Variants in LRPPRC observed in about 807,000 individuals in gnomAD.
LRPPRC encodes leucine-rich PPR motif-containing protein, mitochondrial.
LRPPRC carries 120 observed loss-of-function variants against 180.3 expected under a neutral mutation model. The observed-to-expected ratio is 0.67, with a 90% CI of 0.57 to 0.77. The LOEUF is 0.77. Ranked by LOEUF, LRPPRC falls within the 30% of genes least tolerant of loss-of-function variation. LRPPRC has a pLI of 0.00. For synonymous variants in LRPPRC, 723 were observed against 600.0 expected, an observed-to-expected ratio of 1.21 and a Z score of -3.00; for missense variants, 2,012 against 1,657.2, an observed-to-expected ratio of 1.21 and a Z score of -3.72.
intron 13 of LRPPRC, among the ~76,000 whole-genome samples, chr2:43,957,970 T>C (rs1449149941): frequency 2.0e-5 from 3 of 152,200 alleles, no homozygotes; most frequent in Non-Finnish European, 4.4e-5. Flanking sequence ...AAAGTAATAA[T>C]AAAATAGGTC....
chr2:43,916,475 C>A (rs1249024701), intron 29 of LRPPRC, among the ~76,000 whole-genome samples: 1 of 152,086 alleles, frequency 6.6e-6, no homozygotes, highest in African/African-American at 2.4e-5. Flanking sequence ...AGACCTCTAA[C>A]CTTGAGATAT....
intron 12 of LRPPRC, 158 bp downstream of exon 12, chr2:43,963,430 G>C: frequency 1.5e-6 from 1 of 665,918 alleles, no homozygotes; most frequent in Non-Finnish European, 2.7e-6. Flanking sequence ...GGCAATGAGA[G>C]AGAAACTCCA....
Position 43,975,069 on chromosome 2 carries a change from T to A in LRPPRC, c.864+22A>T, listed in dbSNP as rs780719244. The A allele has an allele frequency of 1.9e-6, 3 of 1,609,216 alleles. No individual in the cohort carries two copies. The East Asian group carries it at 6.7e-5, about 36-fold the overall frequency. On this transcript the variant is annotated intron_variant, in intron 7 of 37. Transcript: ENST00000260665. ...TTTTTACAAATGATTTTAAAGTATGTTTATTTAGACATAAGTCATACCTGC... is the reference window on the plus strand; with the variant it reads ...TTTTTACAAATGATTTTAAAGTATGATTATTTAGACATAAGTCATACCTGC...
intron 12 of LRPPRC, among the ~76,000 whole-genome samples, chr2:43,961,885 G>C (rs772187080): frequency 6.6e-6 from 1 of 152,142 alleles, no homozygotes; most frequent in African/African-American, 2.4e-5. Flanking sequence ...CGCTTGAACC[G>C]GTAGGCAGAG....
At chr2:43,953,043 T>G (rs1222514128) in intron 14 of LRPPRC, among the ~76,000 whole-genome samples, 1 of 152,244 alleles carries the variant, frequency 6.6e-6, no homozygotes, top group African/African-American at 2.4e-5. Flanking sequence ...ACTACCAATC[T>G]ACTTACACTT....
At chr2:43,978,226 T>C (rs1373593558) in intron 3 of LRPPRC, among the ~76,000 whole-genome samples, 1 of 152,108 alleles carries the variant, frequency 6.6e-6, no homozygotes, top group Admixed American at 6.5e-5. Flanking sequence ...AGCTAAAAGA[T>C]CTCTTGTATC....
chr2:43,975,573 C>G (rs147337339), intron 6 of LRPPRC, among the ~76,000 whole-genome samples: 1 of 151,810 alleles, frequency 6.6e-6, no homozygotes, highest in East Asian at 1.9e-4. Flanking sequence ...TCAGATCAAG[C>G]CCAGTTTCTT....
chr2:43,917,275 G>A (rs992263736), intron 29 of LRPPRC, among the ~76,000 whole-genome samples: 2 of 151,712 alleles, frequency 1.3e-5, no homozygotes, highest in African/African-American at 2.4e-5. Context: ...TCTTGACTTC[G>A]TGATCTGCCA....
At chr2:43,932,936 A>C (rs972346838) in intron 25 of LRPPRC, among the ~76,000 whole-genome samples, 3 of 152,190 alleles carry the variant, frequency 2.0e-5, no homozygotes, top group Non-Finnish European at 2.9e-5. Context: ...GCTGAGCTTC[A>C]TTTCCGCTCT....
chr2:43,939,380 T>C (rs1012490201), intron 23 of LRPPRC, among the ~76,000 whole-genome samples: 2 of 152,156 alleles, frequency 1.3e-5, no homozygotes, highest in African/African-American at 4.8e-5. Context: ...TACTTTAAAC[T>C]TATACATTGT....
intron 13 of LRPPRC, among the ~76,000 whole-genome samples, chr2:43,958,274 A>G (rs1329759194): frequency 6.6e-6 from 1 of 152,240 alleles, no homozygotes; most frequent in Admixed American, 6.5e-5. Flanking sequence ...TTCACTATAA[A>G]TGTAATGTGG....
chr2:43,918,813 ATATATATATC>A (rs1292823961), intron 27 of LRPPRC, among the ~76,000 whole-genome samples: 9 of 144,894 alleles, frequency 6.2e-5, no homozygotes, highest in Non-Finnish European at 1.0e-4. Context: ...ATATATAGAT[ATATATATATC>A]TATATATAGA....
intron 1 of LRPPRC, among the ~76,000 whole-genome samples, chr2:43,988,203 T>G (rs1476181415): frequency 7.4e-6 from 1 of 135,080 alleles, no homozygotes; most frequent in Non-Finnish European, 1.5e-5. Flanking sequence ...ATCGCCCCAC[T>G]GCACTCCAGC....
chr2:43,980,640 G>C (rs1165798290), intron 2 of LRPPRC, among the ~76,000 whole-genome samples: 1 of 151,080 alleles, frequency 6.6e-6, no homozygotes, highest in Non-Finnish European at 1.5e-5. Flanking sequence ...TAACATCTAT[G>C]AATAGAAAAG....
In LRPPRC at chr2:43,905,171, TAAA is replaced by T. The variant is rs200523804; in HGVS notation, c.3364+518_3364+520del. ...TATTGCTGTTGGTATTATGAACTAT[TAAA>T]AAAGTATTAGATTAAGTTTTAAAAA... On this transcript the variant is annotated intron_variant, in intron 31 of 37. Coordinates refer to ENST00000260665, the MANE Select transcript of LRPPRC (RefSeq NM_133259.4). 9.9e-3 allele frequency among the ~76,000 whole-genome samples: 1,507 copies of T among 152,316 alleles called. 75 individuals are homozygous for T. The highest frequency in any genetic ancestry group is 0.082 in the Admixed American group (1,254 of 15,298).
At chr2:43,993,197 G>T (rs1674864069) in intron 1 of LRPPRC, among the ~76,000 whole-genome samples, 1 of 152,086 alleles carries the variant, frequency 6.6e-6, no homozygotes, top group Admixed American at 6.5e-5. Flanking sequence ...CTTTCAAAAA[G>T]TTAAATAAAC....
Position 43,918,295 on chromosome 2 carries a change from A to C in LRPPRC, c.3000T>G (p.Leu1000=). 6.2e-7 allele frequency: 1 copy of C among 1,612,360 alleles called. No homozygotes were observed. Among genetic ancestry groups the C allele is most frequent in the Non-Finnish European group, 8.5e-7 (1 of 1,178,454 alleles). The stretch of plus-strand genomic sequence containing the variant: ...ACGGAACTTCCTGGTTACCCTCTCT[A>C]AGGATTTCTGCTAATAATCTTAATG... ...EKTLRLLAEI[L]REGNQEVPFD... Residue 1000 remains leucine (L), a synonymous_variant, in exon 28 of 38, where the codon CTT becomes CTG. Transcript: ENST00000260665.
intron 25 of LRPPRC, among the ~76,000 whole-genome samples, chr2:43,933,751 CA>C (rs1467285346): frequency 6.6e-6 from 1 of 152,100 alleles, no homozygotes; most frequent in East Asian, 1.9e-4. Flanking sequence ...CAGTTGCAGA[CA>C]GCACTTGTTT....
chr2:43,929,893 G>A (rs922838075), intron 25 of LRPPRC, among the ~76,000 whole-genome samples: 11 of 152,052 alleles, frequency 7.2e-5, no homozygotes, highest in Non-Finnish European at 1.5e-4. Flanking sequence ...ACTCACAAAA[G>A]GGGGTATATA....
Sources: allele counts gnomAD v4.1 joint callset (sites outside exome capture counted in the v4.1 genomes callset), GRCh38; gene constraint gnomAD v4.1.1; transcripts MANE v1.5; gene names NCBI Gene and HGNC (gene_info 2026-07-23, HGNC 2026-07-21).